The following PCNX2 variants were observed in gnomAD, a reference collection of about 807,000 sequenced individuals.
The protein encoded by PCNX2 is pecanex-like protein 2.
In PCNX2, 168 loss-of-function variants were observed where a neutral mutation model predicts 223.8. That is an observed-to-expected ratio of 0.75 (90% CI 0.66 to 0.85). The LOEUF is 0.85. Ranked by LOEUF, PCNX2 falls within the 40% of genes least tolerant of loss-of-function variation. PCNX2 has a pLI of 0.00. For missense variants in PCNX2, 2,507 were observed against 2,675.5 expected, an observed-to-expected ratio of 0.94 and a Z score of 1.39; for synonymous variants, 1,006 against 1,052.6, an observed-to-expected ratio of 0.96 and a Z score of 0.86.
Position 233,000,215 on chromosome 1 carries a change from G to A in PCNX2, c.5328+90C>T, listed in dbSNP as rs1670032571. 1 of 1,255,174 alleles carries A rather than the reference G, an allele frequency of 8.0e-7. No homozygotes were observed. The highest frequency in any genetic ancestry group is 1.2e-6 in the Non-Finnish European group (1 of 857,472). The allele number at this position is 1,255,174 out of a possible 1,614,324, so 77.8% of individuals were successfully genotyped here. A position where few individuals can be genotyped will look rare whatever the true frequency, so the allele number is the denominator to read the frequency against. On this transcript the variant is annotated intron_variant, in intron 30 of 33. Coordinates refer to ENST00000258229, the MANE Select transcript of PCNX2 (RefSeq NM_014801.4). The surrounding 1 kb of genome is among the most constrained non-coding windows in gnomAD (Gnocchi z 4.6). ...AGGATGCTGGCACAGAGACTCCTGT[G>A]TCAGTGCCCCCCTGCCCACCACCAT...
chr1:233,315,577 T>C, the PCNX2 span, among the ~76,000 whole-genome samples: 1 of 152,158 alleles, frequency 6.6e-6, no homozygotes, highest in Non-Finnish European at 1.5e-5. Context: ...AATGTCGCAG[T>C]CCACTTTGAG....
intron 25 of PCNX2, 96 bp downstream of exon 25, chr1:233,054,172 T>A: frequency 8.8e-7 from 1 of 1,138,686 alleles, no homozygotes; most frequent in South Asian, 1.5e-5. Context: ...GACATTAAGT[T>A]TTTCCTGTTT....
At chr1:233,089,757 G>A (rs1673776591) in intron 23 of PCNX2, 1 of 595,096 alleles carries the variant, frequency 1.7e-6, no homozygotes, top group East Asian at 7.2e-5. Context: ...CATTAACAGT[G>A]GCTTGTACCT....
At chr1:233,042,971 C>T (rs1434436004) in intron 25 of PCNX2, among the ~76,000 whole-genome samples, 2 of 152,158 alleles carry the variant, frequency 1.3e-5, no homozygotes, top group Non-Finnish European at 2.9e-5. Context: ...GACAGCCATG[C>T]GGGTTTGACT....
chr1:233,211,131 G>A (rs1681793212), intron 12 of PCNX2, among the ~76,000 whole-genome samples: 1 of 152,058 alleles, frequency 6.6e-6, no homozygotes, highest in African/African-American at 2.4e-5. Context: ...AAGGGAGCTG[G>A]GGTGTCTGGG....
intron 23 of PCNX2, among the ~76,000 whole-genome samples, chr1:233,074,087 T>TTA (rs1010807562): frequency 6.6e-6 from 1 of 152,202 alleles, no homozygotes; most frequent in African/African-American, 2.4e-5. Context: ...GTGTTTTAAT[T>TTA]TATATATATT....
rs754280422 is a variant in PCNX2 at position 232,984,271 on chromosome 1, G to A, written c.*33C>T. 3.7e-5 allele frequency: 57 copies of A among 1,546,246 alleles called. No individual in the cohort carries two copies. Among genetic ancestry groups the A allele is most frequent in the Non-Finnish European group, 4.4e-5 (50 of 1,146,176 alleles). On this transcript the variant is annotated 3_prime_UTR_variant, in exon 34 of 34. Coordinates refer to ENST00000258229, the MANE Select transcript of PCNX2 (RefSeq NM_014801.4). ...AGAGCAATGCAGGTGGGAGGTGTGG[G>A]GGAGCCAGCCTCCCCGCCCGGCCGC...
At chr1:233,157,260 A>G (rs1558291842) in intron 19 of PCNX2, among the ~76,000 whole-genome samples, 1 of 152,186 alleles carries the variant, frequency 6.6e-6, no homozygotes. Flanking sequence ...CAACATGGGT[A>G]GTGAAATGAC....
intron 1 of PCNX2, chr1:233,284,983 A>C: frequency 1.0e-6 from 1 of 985,346 alleles, no homozygotes; most frequent in Non-Finnish European, 1.2e-6. Flanking sequence ...CGTGTTCCTA[A>C]CTACCTATAA....
chr1:233,311,207 C>G, the PCNX2 span, among the ~76,000 whole-genome samples: 2 of 152,182 alleles, frequency 1.3e-5, no homozygotes, highest in African/African-American at 4.8e-5. Context: ...CCTACCATAA[C>G]TAACCCAGAA....
chr1:232,984,744 G>A (rs1440009691), intron 33 of PCNX2: 4 of 381,782 alleles, frequency 1.0e-5, no homozygotes, highest in Non-Finnish European at 1.4e-5. Flanking sequence ...GCCCTGGGGG[G>A]AAGGGGCATT....
At chr1:233,049,094 AC>A (rs1558187265) in intron 25 of PCNX2, among the ~76,000 whole-genome samples, 1 of 152,156 alleles carries the variant, frequency 6.6e-6, no homozygotes, top group Non-Finnish European at 1.5e-5. Context: ...CTGAAACTAT[AC>A]CAAAAAACTG....
intron 1 of PCNX2, chr1:233,288,988 T>C (rs901602900): frequency 5.3e-6 from 8 of 1,513,812 alleles, no homozygotes; most frequent in African/African-American, 1.4e-5. Flanking sequence ...TGAACCTTCA[T>C]GAGCCGGCTG....
chr1:233,096,319 T>G (rs536978165), intron 21 of PCNX2, among the ~76,000 whole-genome samples: 1 of 152,316 alleles, frequency 6.6e-6, no homozygotes, highest in South Asian at 2.1e-4. Context: ...TACAAAGTAC[T>G]TTAGAAAGCT....
At chr1:233,072,720 C>G (rs181523037) in intron 23 of PCNX2, among the ~76,000 whole-genome samples, 1 of 152,084 alleles carries the variant, frequency 6.6e-6, no homozygotes, top group East Asian at 1.9e-4. Context: ...TGTGTTAAAC[C>G]ACCCTAGCAT....
In PCNX2 at chr1:233,256,615, A is replaced by G. The variant is rs138132585; in HGVS notation, c.1834+1413T>C. On this transcript the variant is annotated intron_variant, in intron 5 of 33. Coordinates refer to ENST00000258229, the MANE Select transcript of PCNX2 (RefSeq NM_014801.4). ...CATCTACACAACCCCCTTTTAAAGT[A>G]TTAAATAGCTACCTGTGGCCACTGG... Among the ~76,000 whole-genome samples the G allele has an allele frequency of 1.6e-4, 24 of 152,326 alleles. No homozygotes were observed. In the East Asian group the frequency reaches 4.6e-3, roughly 29 times the overall value.
chr1:233,223,266 C>T (rs369522322), intron 10 of PCNX2, among the ~76,000 whole-genome samples: 4 of 152,214 alleles, frequency 2.6e-5, no homozygotes, highest in East Asian at 1.9e-4. Flanking sequence ...ATGGAATCAA[C>T]GGTGACCCTG....
chr1:233,316,821 C>A, the PCNX2 span, among the ~76,000 whole-genome samples: 1 of 152,166 alleles, frequency 6.6e-6, no homozygotes, highest in Non-Finnish European at 1.5e-5. Context: ...TTTTCTTACA[C>A]TCCTCTTAAT....
intron 20 of PCNX2, among the ~76,000 whole-genome samples, chr1:233,135,578 C>T (rs1357152014): frequency 6.6e-6 from 1 of 152,192 alleles, no homozygotes; most frequent in Admixed American, 6.5e-5. Context: ...ATGGACATTT[C>T]CCAGAAATCC....
Sources: allele counts gnomAD v4.1 joint callset (sites outside exome capture counted in the v4.1 genomes callset), GRCh38; gene constraint gnomAD v4.1.1; non-coding constraint Gnocchi (gnomAD v3.1); transcripts MANE v1.5; gene names NCBI Gene and HGNC (gene_info 2026-07-23, HGNC 2026-07-21).